Variants in GRIK4 observed in about 807,000 individuals in gnomAD.
The protein encoded by GRIK4 is glutamate ionotropic receptor kainate type subunit 4, also known as glutamate receptor ionotropic, kainate 4.
In GRIK4, 40 loss-of-function variants were observed where a neutral mutation model predicts 104.9. The observed-to-expected ratio is 0.38, with a 90% confidence interval of 0.30 to 0.50. GRIK4 has a LOEUF of 0.50. GRIK4 is among the 20% of genes least tolerant of loss of function. The pLI is 0.93. For synonymous variants in GRIK4, 485 were observed against 524.9 expected (o/e 0.92, Z 1.04); for missense variants, 1,047 against 1,308.1 (o/e 0.80, Z 3.08).
intron 14 of GRIK4, among the ~76,000 whole-genome samples, chr11:120,948,177 T>C (rs1048955577): frequency 3.3e-5 from 5 of 152,206 alleles, no homozygotes; most frequent in African/African-American, 1.2e-4. Context: ...CACTGCGTTC[T>C]CTTACCTCTT....
chr11:120,833,315 GA>G (rs1953486914), intron 7 of GRIK4, among the ~76,000 whole-genome samples: 1 of 150,104 alleles, frequency 6.7e-6, no homozygotes, highest in Non-Finnish European at 1.5e-5. Flanking sequence ...CACACACACG[GA>G]AACACAATAT....
chr11:120,640,990 G>A (rs1356014769), intron 1 of GRIK4, among the ~76,000 whole-genome samples: 3 of 152,242 alleles, frequency 2.0e-5, no homozygotes, highest in Admixed American at 6.5e-5. Context: ...GGGATTACAG[G>A]CGTGAGCCAC....
At chr11:120,864,057 A>G (rs1263089377) in intron 9 of GRIK4, among the ~76,000 whole-genome samples, 2 of 152,166 alleles carry the variant, frequency 1.3e-5, no homozygotes, top group African/African-American at 4.8e-5. Flanking sequence ...GGAAGGAGTC[A>G]TGTCCATTAA....
chr11:120,522,421 G>C (rs1329354316), intron 1 of GRIK4, among the ~76,000 whole-genome samples: 1 of 152,000 alleles, frequency 6.6e-6, no homozygotes, highest in African/African-American at 2.4e-5. Context: ...TTCCGGGTTC[G>C]AGCGATTCTC....
At position 120,953,295 on chromosome 11, in the gene GRIK4, G is replaced by A. The variant is rs572560555; in HGVS notation, c.1700+331G>A. Among the ~76,000 whole-genome samples the A allele has an allele frequency of 3.3e-5, 5 of 152,312 alleles. No homozygotes were observed. The South Asian group carries it at 6.2e-4, about 19-fold the overall frequency. ...GGAGCCCTGGGAAGAGAGGAGGGGT[G>A]GGGTTGGCAGGAAGATGACTCTCAT... On this transcript the variant is annotated intron_variant, in intron 15 of 20. Coordinates refer to ENST00000527524, the MANE Select transcript of GRIK4 (RefSeq NM_014619.5). The surrounding 1 kb of genome is among the most constrained non-coding windows in gnomAD (Gnocchi z 4.9).
intron 1 of GRIK4, among the ~76,000 whole-genome samples, chr11:120,543,636 A>T (rs890171133): frequency 6.6e-6 from 1 of 152,222 alleles, no homozygotes; most frequent in Non-Finnish European, 1.5e-5. Flanking sequence ...ACAAGCCAGT[A>T]ATCCCACTTC....
intron 18 of GRIK4, among the ~76,000 whole-genome samples, chr11:120,965,032 T>C (rs1944359529): frequency 6.6e-6 from 1 of 152,210 alleles, no homozygotes; most frequent in Non-Finnish European, 1.5e-5. Context: ...ACACAGTTCA[T>C]TGATGAGTCA....
intron 7 of GRIK4, among the ~76,000 whole-genome samples, chr11:120,836,088 T>C (rs528407625): frequency 3.9e-5 from 6 of 152,294 alleles, no homozygotes; most frequent in Admixed American, 1.3e-4. Flanking sequence ...TTGATTTGCA[T>C]TGCTACAACC....
At chr11:120,565,055 T>G (rs1948302264) in intron 1 of GRIK4, among the ~76,000 whole-genome samples, 1 of 152,172 alleles carries the variant, frequency 6.6e-6, no homozygotes, top group Non-Finnish European at 1.5e-5. Context: ...GGGGACTGTT[T>G]GCGGTGAGTC....
chr11:120,551,255 A>G (rs1441650379), intron 1 of GRIK4, among the ~76,000 whole-genome samples: 3 of 152,136 alleles, frequency 2.0e-5, no homozygotes, highest in African/African-American at 7.2e-5. Flanking sequence ...CATAACTCCC[A>G]TAGCCCTTGT....
intron 1 of GRIK4, among the ~76,000 whole-genome samples, chr11:120,645,333 C>G (rs532073094): frequency 3.9e-5 from 6 of 152,340 alleles, no homozygotes; most frequent in Admixed American, 2.6e-4. Context: ...GCCTGCCTCC[C>G]CTAACACAGT....
intron 3 of GRIK4, among the ~76,000 whole-genome samples, chr11:120,792,706 A>G (rs1239145177): frequency 6.6e-6 from 1 of 152,192 alleles, no homozygotes; most frequent in Non-Finnish European, 1.5e-5. Context: ...TGGTGCTGCT[A>G]TTAACTAAAC....
chr11:120,857,490 GTATGCACACATGCACA>G (rs1030583583), intron 8 of GRIK4, among the ~76,000 whole-genome samples: 2 of 105,950 alleles, frequency 1.9e-5, no homozygotes, highest in African/African-American at 3.8e-5. Context: ...TTGCACACAT[GTATGCACACATGCACA>G]CACACACACA....
At chr11:120,651,624 G>A (rs1001722439) in intron 1 of GRIK4, among the ~76,000 whole-genome samples, 5 of 152,140 alleles carry the variant, frequency 3.3e-5, no homozygotes, top group Admixed American at 1.3e-4. Context: ...GGTCAGTGCC[G>A]CCACTGCTCT....
intron 3 of GRIK4, among the ~76,000 whole-genome samples, chr11:120,667,011 GC>G (rs1949926086): frequency 6.6e-6 from 1 of 152,176 alleles, no homozygotes. Context: ...GATGGAATGG[GC>G]TTTTTTGGAT....
At chr11:120,876,784 G>A (rs1162553664) in intron 11 of GRIK4, among the ~76,000 whole-genome samples, 1 of 152,176 alleles carries the variant, frequency 6.6e-6, no homozygotes, top group Admixed American at 6.5e-5. Flanking sequence ...CCTTGGAAAT[G>A]CAATAAAAAC....
At chr11:120,700,121 A>C (rs1195023930) in intron 3 of GRIK4, among the ~76,000 whole-genome samples, 2 of 150,720 alleles carry the variant, frequency 1.3e-5, no homozygotes, top group Non-Finnish European at 3.0e-5. Flanking sequence ...ATGATCTCAT[A>C]GTTGGTTTTT....
At chr11:120,606,241 G>A (rs901719293) in intron 1 of GRIK4, among the ~76,000 whole-genome samples, 2 of 152,104 alleles carry the variant, frequency 1.3e-5, no homozygotes, top group Non-Finnish European at 1.5e-5. Flanking sequence ...ATTTGTCCTC[G>A]TACAGTGTTG....
chr11:120,722,425 A>G (rs117179455), intron 3 of GRIK4, among the ~76,000 whole-genome samples: 5,411 of 152,066 alleles, frequency 0.036, 162 homozygotes, highest in Non-Finnish European at 0.051. Context: ...TCTGACCAAC[A>G]TGGTAAAACC....
Sources: gnomAD v4.1 joint callset for allele counts (sites outside exome capture counted in the v4.1 genomes callset) on GRCh38, gnomAD v4.1.1 for gene constraint, Gnocchi (gnomAD v3.1) non-coding constraint, MANE v1.5 for transcripts, NCBI Gene and HGNC (gene_info 2026-07-23, HGNC 2026-07-21) for gene names.